CSMD1: variants seen among roughly 807,000 people sequenced by gnomAD.
The protein encoded by CSMD1 is CUB and sushi domain-containing protein 1.
Under a neutral mutation model 417.5 loss-of-function variants are expected in CSMD1, and 213 were observed. The observed-to-expected ratio is 0.51, with a 90% CI of 0.46 to 0.57. The LOEUF is 0.57. Ranked by LOEUF, CSMD1 falls within the 20% of genes least tolerant of loss-of-function variation. The pLI, the probability that CSMD1 is intolerant of heterozygous loss-of-function variation, is 0.00. For synonymous variants in CSMD1, 2,862 were observed against 1,736.8 expected (o/e 1.65, Z -16.11); for missense variants, 6,923 against 4,529.7 (o/e 1.53, Z -15.17).
intron 19 of CSMD1, among the ~76,000 whole-genome samples, chr8:3,367,704 T>C (rs1379425038): frequency 6.6e-6 from 1 of 152,164 alleles, no homozygotes; most frequent in Non-Finnish European, 1.5e-5. Flanking sequence ...GATGTAAATA[T>C]GAAGATATGA....
At chr8:4,221,499 A>G (rs1305483384) in intron 3 of CSMD1, among the ~76,000 whole-genome samples, 1 of 152,200 alleles carries the variant, frequency 6.6e-6, no homozygotes, top group Non-Finnish European at 1.5e-5. Flanking sequence ...TAATTTGGGA[A>G]TTCGTGAAAC....
chr8:4,012,935 G>A (rs1158918184), intron 4 of CSMD1, among the ~76,000 whole-genome samples: 1 of 151,956 alleles, frequency 6.6e-6, no homozygotes, highest in Non-Finnish European at 1.5e-5. Context: ...ACAGCATTCT[G>A]AGTCCAAATG....
At chr8:3,506,037 A>G (rs1006128782) in intron 10 of CSMD1, among the ~76,000 whole-genome samples, 1 of 152,212 alleles carries the variant, frequency 6.6e-6, no homozygotes, top group Non-Finnish European at 1.5e-5. Flanking sequence ...AATTTAACAA[A>G]TGTAGAAAGG....
At chr8:3,919,532 T>C (rs144928786) in intron 5 of CSMD1, among the ~76,000 whole-genome samples, 1 of 152,150 alleles carries the variant, frequency 6.6e-6, no homozygotes, top group Admixed American at 6.6e-5. Flanking sequence ...CTTTTATTAC[T>C]GAAGATTGGT....
intron 3 of CSMD1, among the ~76,000 whole-genome samples, chr8:4,335,120 T>C (rs1158734160): frequency 2.0e-5 from 3 of 152,124 alleles, no homozygotes; most frequent in Non-Finnish European, 2.9e-5. Context: ...CAGATTGATC[T>C]TCAACTTCTG....
intron 47 of CSMD1, 72 bp downstream of exon 47, chr8:3,096,777 A>G (rs1003962449): frequency 1.7e-5 from 17 of 993,516 alleles, no homozygotes; most frequent in Non-Finnish European, 2.3e-5. Flanking sequence ...TCTTTATGTT[A>G]CTAAAACATT....
At chr8:3,841,508 T>G (rs1241056040) in intron 5 of CSMD1, among the ~76,000 whole-genome samples, 2 of 152,156 alleles carry the variant, frequency 1.3e-5, no homozygotes, top group African/African-American at 4.8e-5. Flanking sequence ...TTCTATGATT[T>G]GTGGGGATGT....
At chr8:4,045,388 T>A (rs4642668) in intron 3 of CSMD1, among the ~76,000 whole-genome samples, 23 of 151,934 alleles carry the variant, frequency 1.5e-4, no homozygotes, top group Admixed American at 1.5e-3. Flanking sequence ...TTTAAAACAG[T>A]GCTACATTAC....
chr8:4,888,888 C>G (rs1326027734), intron 1 of CSMD1, among the ~76,000 whole-genome samples: 3 of 151,986 alleles, frequency 2.0e-5, no homozygotes, highest in African/African-American at 4.8e-5. Flanking sequence ...AGATTTGTAA[C>G]CCATACATTC....
chr8:3,060,646 T>C lies in CSMD1; in HGVS notation c.7475-7999A>G, dbSNP rs538510827. ...ATGTTTCACTTTCTCCATCAACTTG[T>C]GCTATGGAAACAATCAGGTATTTCA... On this transcript the variant is annotated intron_variant, in intron 49 of 69. Transcript: ENST00000635120. Among the ~76,000 whole-genome samples the C allele has an allele frequency of 4.6e-5, 7 of 152,318 alleles. No homozygotes were observed. In the East Asian group the frequency reaches 1.4e-3, roughly 29 times the overall value.
chr8:4,295,740 ATGTGTGTGTG>A (rs36133370), intron 3 of CSMD1, among the ~76,000 whole-genome samples: 4 of 33,006 alleles, frequency 1.2e-4, no homozygotes, highest in Non-Finnish European at 1.5e-4. Flanking sequence ...GTGTGTGTAT[ATGTGTGTGTG>A]TATATATATA....
intron 5 of CSMD1, among the ~76,000 whole-genome samples, chr8:3,954,401 T>C (rs1156903317): frequency 6.6e-6 from 1 of 152,146 alleles, no homozygotes; most frequent in Admixed American, 6.5e-5. Context: ...CTCGCTCTGC[T>C]GCCCAGGCTG....
At chr8:3,442,423 A>C (rs2117067071) in intron 12 of CSMD1, among the ~76,000 whole-genome samples, 1 of 152,300 alleles carries the variant, frequency 6.6e-6, no homozygotes, top group East Asian at 1.9e-4. Flanking sequence ...TAAGTACCTT[A>C]TACAGATGTC....
chr8:4,429,715 C>CAGA (rs1173755129), intron 2 of CSMD1, among the ~76,000 whole-genome samples: 1 of 152,128 alleles, frequency 6.6e-6, no homozygotes, highest in Non-Finnish European at 1.5e-5. Flanking sequence ...TCCATGAGGG[C>CAGA]AGAAGTGGGT....
At chr8:4,189,432 AC>A (rs1247646913) in intron 3 of CSMD1, among the ~76,000 whole-genome samples, 3 of 152,254 alleles carry the variant, frequency 2.0e-5, no homozygotes, top group South Asian at 4.1e-4. Flanking sequence ...TAAGAAAAAA[AC>A]AGTAGTCCAG....
chr8:3,818,177 A>T (rs529866109), intron 5 of CSMD1, among the ~76,000 whole-genome samples: 1 of 152,084 alleles, frequency 6.6e-6, no homozygotes, highest in Admixed American at 6.6e-5. Context: ...TAGGATGCCA[A>T]CTGCACACTC....
At chr8:4,061,516 A>C (rs1473456345) in intron 3 of CSMD1, among the ~76,000 whole-genome samples, 1 of 152,156 alleles carries the variant, frequency 6.6e-6, no homozygotes, top group Non-Finnish European at 1.5e-5. Context: ...TAAGTAGGGA[A>C]TGTGGGAGAA....
intron 1 of CSMD1, among the ~76,000 whole-genome samples, chr8:4,954,224 G>C (rs577327804): frequency 1.8e-4 from 28 of 152,246 alleles, no homozygotes; most frequent in Admixed American, 5.9e-4. Flanking sequence ...AAGGAGCTCA[G>C]AGTTTAAGAA....
intron 2 of CSMD1, among the ~76,000 whole-genome samples, chr8:4,429,932 C>G (rs1002276213): frequency 1.3e-5 from 2 of 152,070 alleles, no homozygotes; most frequent in African/African-American, 4.8e-5. Context: ...GGTCACCCAT[C>G]AGGGAATGAA....
Sources: gnomAD v4.1 joint callset for allele counts (sites outside exome capture counted in the v4.1 genomes callset) on GRCh38, gnomAD v4.1.1 for gene constraint, MANE v1.5 for transcripts, NCBI Gene and HGNC (gene_info 2026-07-23, HGNC 2026-07-21) for gene names.